The following CSMD1 variants were observed in gnomAD, a reference collection of about 807,000 sequenced individuals.
CSMD1 encodes the protein CUB and sushi domain-containing protein 1.
CSMD1 carries 213 observed loss-of-function variants against 417.5 expected under a neutral mutation model. The observed-to-expected ratio is 0.51, with a 90% CI of 0.46 to 0.57. CSMD1 has a LOEUF of 0.57. CSMD1 is among the 20% of genes least tolerant of loss of function. CSMD1 has a pLI of 0.00. For missense variants in CSMD1, 6,923 were observed against 4,529.7 expected (o/e 1.53, Z -15.17); for synonymous variants, 2,862 against 1,736.8 (o/e 1.65, Z -16.11).
At chr8:4,552,503 T>C (rs989470652) in intron 2 of CSMD1, among the ~76,000 whole-genome samples, 4 of 152,132 alleles carry the variant, frequency 2.6e-5, no homozygotes, top group African/African-American at 4.8e-5. Context: ...TGCCCAGATA[T>C]ATGCAGAACT....
chr8:4,084,737 C>T (rs975906768), intron 3 of CSMD1, among the ~76,000 whole-genome samples: 2 of 149,792 alleles, frequency 1.3e-5, no homozygotes, highest in Admixed American at 1.3e-4. Context: ...GCTCTCTTGC[C>T]CACCCCCACC....
At chr8:4,461,756 TTGGAG>T (rs1799840261) in intron 2 of CSMD1, among the ~76,000 whole-genome samples, 1 of 147,578 alleles carries the variant, frequency 6.8e-6, no homozygotes, top group African/African-American at 2.5e-5. Context: ...TTTTTTTTTT[TTGGAG>T]ATGGAGTCTC....
At chr8:3,151,920 A>T (rs1431095313) in intron 39 of CSMD1, among the ~76,000 whole-genome samples, 1 of 152,242 alleles carries the variant, frequency 6.6e-6, no homozygotes, top group Non-Finnish European at 1.5e-5. Context: ...TACATTGCAT[A>T]GATTAACTCA....
At chr8:3,031,661 G>C (rs1175401426) in intron 50 of CSMD1, among the ~76,000 whole-genome samples, 1 of 151,810 alleles carries the variant, frequency 6.6e-6, no homozygotes, top group Non-Finnish European at 1.5e-5. Context: ...GCCTCCCAAA[G>C]TGCTGGGATT....
intron 1 of CSMD1, among the ~76,000 whole-genome samples, chr8:4,982,738 G>A (rs1380066637): frequency 6.6e-6 from 1 of 152,142 alleles, no homozygotes; most frequent in South Asian, 2.1e-4. Context: ...ACATTTGCTA[G>A]GAGATATAGA....
intron 51 of CSMD1, among the ~76,000 whole-genome samples, chr8:3,027,972 T>G: frequency 6.6e-6 from 1 of 152,124 alleles, no homozygotes; most frequent in Non-Finnish European, 1.5e-5. Flanking sequence ...GAACGCTGAG[T>G]TGTGAGCATG....
intron 3 of CSMD1, among the ~76,000 whole-genome samples, chr8:4,309,560 A>T (rs910616751): frequency 3.3e-5 from 5 of 152,188 alleles, no homozygotes; most frequent in African/African-American, 1.2e-4. Context: ...GCTCACATCA[A>T]GCAGCCAAAC....
intron 2 of CSMD1, among the ~76,000 whole-genome samples, chr8:4,442,973 A>C (rs1263808385): frequency 6.6e-6 from 1 of 152,128 alleles, no homozygotes; most frequent in Non-Finnish European, 1.5e-5. Flanking sequence ...GTATCTCCAA[A>C]ATAGTGTCAT....
At chr8:3,234,648 A>G (rs1036155393) in intron 26 of CSMD1, among the ~76,000 whole-genome samples, 4 of 152,210 alleles carry the variant, frequency 2.6e-5, no homozygotes, top group African/African-American at 9.6e-5. Context: ...ATATTACTCC[A>G]AGAGAAGCCT....
At chr8:4,187,836 T>G (rs1296304306) in intron 3 of CSMD1, among the ~76,000 whole-genome samples, 1 of 152,128 alleles carries the variant, frequency 6.6e-6, no homozygotes, top group East Asian at 1.9e-4. Flanking sequence ...GATGACTTGC[T>G]GAGACTATTT....
At chr8:4,285,245 C>G (rs911082598) in intron 3 of CSMD1, among the ~76,000 whole-genome samples, 1 of 152,172 alleles carries the variant, frequency 6.6e-6, no homozygotes, top group East Asian at 1.9e-4. Flanking sequence ...CATCATACAG[C>G]AGGCCGACTG....
chr8:4,859,235 C>T (rs1016787207), intron 1 of CSMD1, among the ~76,000 whole-genome samples: 2 of 151,832 alleles, frequency 1.3e-5, no homozygotes, highest in African/African-American at 2.4e-5. Flanking sequence ...GAAACTGGAT[C>T]CCTTCCTTAC....
At chr8:4,041,653 A>C (rs915045220) in intron 3 of CSMD1, among the ~76,000 whole-genome samples, 1 of 152,196 alleles carries the variant, frequency 6.6e-6, no homozygotes, top group Non-Finnish European at 1.5e-5. Context: ...AGAAAACTCA[A>C]TCAATGAAAA....
chr8:4,134,261 T>C (rs1044670037), intron 3 of CSMD1, among the ~76,000 whole-genome samples: 48 of 152,306 alleles, frequency 3.2e-4, no homozygotes, highest in Admixed American at 8.5e-4. Context: ...TTAAATGCCA[T>C]TGCCACAAAA....
intron 3 of CSMD1, among the ~76,000 whole-genome samples, chr8:4,320,376 ACTTT>A (rs941385458): frequency 6.6e-6 from 1 of 151,888 alleles, no homozygotes; most frequent in Non-Finnish European, 1.5e-5. Flanking sequence ...TTATTATTAT[ACTTT>A]AAGTTGTGAG....
chr8:3,259,153 G>C (rs891332810), intron 26 of CSMD1, among the ~76,000 whole-genome samples: 6 of 152,198 alleles, frequency 3.9e-5, no homozygotes, highest in Non-Finnish European at 8.8e-5. Context: ...GCCATATTGA[G>C]CTGAAAACAT....
At chr8:3,123,023 T>C (rs2129021374) in intron 41 of CSMD1, among the ~76,000 whole-genome samples, 1 of 152,192 alleles carries the variant, frequency 6.6e-6, no homozygotes, top group East Asian at 1.9e-4. Context: ...CAATTATGTC[T>C]TAAAGGACGT....
rs781099955 is a variant in CSMD1, at chr8:3,877,279, G to T, written c.818+120624C>A. Among the ~76,000 whole-genome samples, 93 of 152,102 alleles carry T rather than the reference G, an allele frequency of 6.1e-4. 1 individual carries two copies. The highest frequency in any genetic ancestry group is 6.5e-4 in the Admixed American group (10 of 15,272). Reference sequence around the variant, plus strand: ...GATGTCCTGGTGTGGCCCTTGATGCGTGGTGAAAGGAAACTTCTGCATGCT... The same window carrying T: ...GATGTCCTGGTGTGGCCCTTGATGCTTGGTGAAAGGAAACTTCTGCATGCT... On this transcript the variant is annotated intron_variant, in intron 5 of 69. Transcript: ENST00000635120.
chr8:4,428,981 T>A (rs1797717941), intron 2 of CSMD1, among the ~76,000 whole-genome samples: 1 of 152,084 alleles, frequency 6.6e-6, no homozygotes, highest in African/African-American at 2.4e-5. Context: ...CCCAAAGTGC[T>A]GGGAATATAG....
Sources: gnomAD v4.1 joint callset for allele counts (sites outside exome capture counted in the v4.1 genomes callset) on GRCh38, gnomAD v4.1.1 for gene constraint, MANE v1.5 for transcripts, NCBI Gene and HGNC (gene_info 2026-07-23, HGNC 2026-07-21) for gene names.